The following TAFA1 variants were observed in gnomAD, a reference collection of about 807,000 sequenced individuals.
TAFA1 encodes chemokine-like protein TAFA-1.
A neutral mutation model predicts 18.5 loss-of-function variants in TAFA1; 4 were observed. The ratio of observed to expected loss-of-function variants is 0.22; its 90% CI spans 0.11 to 0.49. The LOEUF is 0.49. TAFA1 is among the 20% of genes least tolerant of loss of function. The probability of loss-of-function intolerance (pLI) is 0.98; values close to 1 mark genes in which losing one functional copy is unlikely to be tolerated. For synonymous variants in TAFA1, 56 were observed against 55.2 expected (o/e 1.01, Z -0.06); for missense variants, 147 against 169.0 (o/e 0.87, Z 0.72).
intron 3 of TAFA1, among the ~76,000 whole-genome samples, chr3:68,464,305 T>C (rs1481971835): frequency 6.6e-6 from 1 of 152,176 alleles, no homozygotes; most frequent in Non-Finnish European, 1.5e-5. Context: ...ATTCCTAAGA[T>C]AATTTCAAAT....
intron 3 of TAFA1, among the ~76,000 whole-genome samples, chr3:68,419,793 C>G (rs975628058): frequency 2.0e-5 from 3 of 152,118 alleles, no homozygotes; most frequent in East Asian, 1.9e-4. Flanking sequence ...CACACTCAAG[C>G]TAGGCTAAGT....
In TAFA1 at chr3:68,013,775, C is replaced by G. The variant is rs531695580; in HGVS notation, c.118+7031C>G. Reference sequence around the variant, plus strand: ...AAAGCACTTAGGGAACTCTGTTGGCCCATTATTTCTTTCTCTTTTCCCAAC... The same window carrying G: ...AAAGCACTTAGGGAACTCTGTTGGCGCATTATTTCTTTCTCTTTTCCCAAC... On this transcript the variant is annotated intron_variant, in intron 2 of 4. Coordinates refer to ENST00000478136, the MANE Select transcript of TAFA1 (RefSeq NM_213609.4). Among the ~76,000 whole-genome samples, 18 of 152,126 alleles carry G rather than the reference C, an allele frequency of 1.2e-4. No homozygotes were observed. The South Asian group carries it at 3.5e-3, about 30-fold the overall frequency.
chr3:68,057,352 A>T (rs2064549417), intron 2 of TAFA1, among the ~76,000 whole-genome samples: 1 of 152,166 alleles, frequency 6.6e-6, no homozygotes, highest in Admixed American at 6.5e-5. Flanking sequence ...AAAAGAGGTG[A>T]TCCTGTGTAT....
chr3:68,248,923 A>G (rs934953909), intron 2 of TAFA1, among the ~76,000 whole-genome samples: 3 of 152,090 alleles, frequency 2.0e-5, no homozygotes, highest in African/African-American at 7.2e-5. Flanking sequence ...GCCCATTGCC[A>G]TGGGACCATT....
intron 2 of TAFA1, among the ~76,000 whole-genome samples, chr3:68,302,916 C>T (rs948762834): frequency 1.3e-5 from 2 of 152,212 alleles, no homozygotes; most frequent in African/African-American, 4.8e-5. Flanking sequence ...AGTTCTACTA[C>T]TAACTGTCCA....
At chr3:68,461,954 G>C (rs947688100) in intron 3 of TAFA1, among the ~76,000 whole-genome samples, 1 of 152,190 alleles carries the variant, frequency 6.6e-6, no homozygotes, top group Admixed American at 6.5e-5. Flanking sequence ...GGAAAAGTGG[G>C]GGGAAAATCA....
At chr3:68,452,431 G>C (rs2071579963) in intron 3 of TAFA1, among the ~76,000 whole-genome samples, 1 of 149,740 alleles carries the variant, frequency 6.7e-6, no homozygotes, top group African/African-American at 2.5e-5. Context: ...GCTGAGACAG[G>C]AGAATCGCGC....
chr3:68,206,675 G>A (rs1040074820), intron 2 of TAFA1, among the ~76,000 whole-genome samples: 4 of 151,872 alleles, frequency 2.6e-5, no homozygotes, highest in Non-Finnish European at 5.9e-5. Context: ...GGTCATATCT[G>A]GCAAAATATT....
chr3:68,252,575 A>G (rs2067218529), intron 2 of TAFA1, among the ~76,000 whole-genome samples: 1 of 152,168 alleles, frequency 6.6e-6, no homozygotes, highest in Admixed American at 6.5e-5. Context: ...AGACATCGTC[A>G]GGCATCTCTC....
At chr3:68,504,068 G>A (rs1012767223) in intron 3 of TAFA1, among the ~76,000 whole-genome samples, 3 of 152,018 alleles carry the variant, frequency 2.0e-5, no homozygotes, top group Admixed American at 6.6e-5. Flanking sequence ...CATAATATAC[G>A]TGGAGAAGGG....
chr3:68,500,486 C>A (rs2072638164), intron 3 of TAFA1, among the ~76,000 whole-genome samples: 1 of 152,024 alleles, frequency 6.6e-6, no homozygotes, highest in Non-Finnish European at 1.5e-5. Flanking sequence ...GATAATCACC[C>A]TTTGAGGAGC....
chr3:68,300,250 A>C (rs1402204346), intron 2 of TAFA1, among the ~76,000 whole-genome samples: 1 of 150,648 alleles, frequency 6.6e-6, no homozygotes, highest in African/African-American at 2.4e-5. Flanking sequence ...CCTCTTGTAT[A>C]AGCATGACCT....
chr3:68,463,548 T>G (rs2071825193), intron 3 of TAFA1, among the ~76,000 whole-genome samples: 3 of 152,288 alleles, frequency 2.0e-5, no homozygotes, highest in Admixed American at 6.5e-5. Flanking sequence ...GTTGTGTAAC[T>G]TCTCTACTCC....
chr3:68,138,752 C>A (rs1460865594), intron 2 of TAFA1, among the ~76,000 whole-genome samples: 4 of 152,198 alleles, frequency 2.6e-5, no homozygotes, highest in African/African-American at 9.6e-5. Flanking sequence ...TAGCACAGAA[C>A]TGAGCACATG....
chr3:68,292,391 G>A (rs2068124298), intron 2 of TAFA1, among the ~76,000 whole-genome samples: 1 of 139,586 alleles, frequency 7.2e-6, no homozygotes, highest in Non-Finnish European at 1.5e-5. Flanking sequence ...CCCAGCCTGA[G>A]CAACAGAGTG....
intron 2 of TAFA1, among the ~76,000 whole-genome samples, chr3:68,130,839 A>AT (rs1290138822): frequency 2.0e-5 from 3 of 152,056 alleles, no homozygotes; most frequent in African/African-American, 7.2e-5. Context: ...CTTTGCTCAA[A>AT]TATTACCTTT....
chr3:68,073,684 T>A (rs953720303), intron 2 of TAFA1, among the ~76,000 whole-genome samples: 1 of 152,202 alleles, frequency 6.6e-6, no homozygotes, highest in South Asian at 2.1e-4. Flanking sequence ...TTTTCTCCAA[T>A]GTATATTAGT....
intron 2 of TAFA1, among the ~76,000 whole-genome samples, chr3:68,068,130 G>T (rs1468950122): frequency 6.6e-6 from 1 of 152,070 alleles, no homozygotes; most frequent in Non-Finnish European, 1.5e-5. Context: ...CTAGAGATTA[G>T]GAATTAATAC....
intron 3 of TAFA1, among the ~76,000 whole-genome samples, chr3:68,429,597 T>C (rs1223462647): frequency 6.6e-6 from 1 of 151,900 alleles, no homozygotes; most frequent in South Asian, 2.1e-4. Flanking sequence ...CTGATTAAGC[T>C]CTTCCTTCAA....
Sources: gnomAD v4.1 joint callset for allele counts (sites outside exome capture counted in the v4.1 genomes callset) on GRCh38, gnomAD v4.1.1 for gene constraint, MANE v1.5 for transcripts, NCBI Gene and HGNC (gene_info 2026-07-23, HGNC 2026-07-21) for gene names.